Variants in COX7B2 observed in about 807,000 individuals in gnomAD.
COX7B2 encodes cytochrome c oxidase subunit 7B2, also known as cytochrome c oxidase subunit 7B2, mitochondrial.
For synonymous variants in COX7B2, 37 were observed against 32.1 expected, an observed-to-expected ratio of 1.15 and a Z score of -0.51; for missense variants, 109 against 95.9, an observed-to-expected ratio of 1.14 and a Z score of -0.57.
At chr4:46,766,469 G>A (rs1716544014) in intron 2 of COX7B2, among the ~76,000 whole-genome samples, 1 of 152,064 alleles carries the variant, frequency 6.6e-6, no homozygotes, top group Non-Finnish European at 1.5e-5. Flanking sequence ...GGAAGCCAAG[G>A]CGGGTGGATC....
At chr4:46,817,714 C>A (rs1719627703) in intron 2 of COX7B2, among the ~76,000 whole-genome samples, 1 of 152,128 alleles carries the variant, frequency 6.6e-6, no homozygotes, top group African/African-American at 2.4e-5. Context: ...GTTGCAGAGT[C>A]AGACTCAATG....
chr4:46,740,994 C>A (rs1396617109), intron 2 of COX7B2, among the ~76,000 whole-genome samples: 1 of 152,044 alleles, frequency 6.6e-6, no homozygotes, highest in Non-Finnish European at 1.5e-5. Context: ...AGGTGTGCCA[C>A]AGAAAGGCAG....
chr4:46,848,740 T>A (rs964705248), intron 1 of COX7B2, among the ~76,000 whole-genome samples: 4 of 152,056 alleles, frequency 2.6e-5, no homozygotes, highest in Admixed American at 2.6e-4. Flanking sequence ...TCTATGTATA[T>A]GTTTACATAC....
rs993442304 is a variant in COX7B2 at position 46,839,174 on chromosome 4, TGAG to T, written c.-50+5783_-50+5785del. Among the ~76,000 whole-genome samples, 676 of 152,148 alleles carry T rather than the reference TGAG, an allele frequency of 4.4e-3. 6 individuals are homozygous for T. Among genetic ancestry groups the T allele is most frequent in the African/African-American group, 0.016 (655 of 41,550 alleles). On this transcript the variant is annotated intron_variant, in intron 2 of 2. Transcript: ENST00000355591. ...AGAGCAGCCTATTTTTGTGCTCTCT[TGAG>T]GAGACTTGTTCCCTAGCCCTCCCTC...
intron 2 of COX7B2, among the ~76,000 whole-genome samples, chr4:46,763,017 T>TATATA (rs1231371147): frequency 3.7e-5 from 5 of 134,674 alleles, no homozygotes; most frequent in Admixed American, 8.4e-5. Flanking sequence ...ATAATTATAA[T>TATATA]ATATAATATA....
At chr4:46,750,205 C>CACACACAA (rs1448078001) in intron 2 of COX7B2, among the ~76,000 whole-genome samples, 16 of 143,426 alleles carry the variant, frequency 1.1e-4, no homozygotes, top group African/African-American at 4.3e-4. Context: ...TACACACACA[C>CACACACAA]ACACACACAC....
At chr4:46,831,358 G>T (rs896179973) in intron 2 of COX7B2, among the ~76,000 whole-genome samples, 1 of 152,062 alleles carries the variant, frequency 6.6e-6, no homozygotes, top group African/African-American at 2.4e-5. Flanking sequence ...TGTGCGGCCC[G>T]AGCCTCCTCA....
Position 46,815,920 on chromosome 4 carries a change from A to G in COX7B2, c.-50+29040T>C, listed in dbSNP as rs552870038. ...ATTTACCTTTCTGTTTTGAAAAAATACCAATGCTTATAAGATTTATCAAAC... is the reference window on the plus strand; with the variant it reads ...ATTTACCTTTCTGTTTTGAAAAAATGCCAATGCTTATAAGATTTATCAAAC... On this transcript the variant is annotated intron_variant, in intron 2 of 2. Transcript: ENST00000355591. 2.1e-4 allele frequency among the ~76,000 whole-genome samples: 32 copies of G among 152,282 alleles called. 1 individual carries two copies. Among genetic ancestry groups the G allele is most frequent in the South Asian group, 8.3e-4 (4 of 4,828 alleles).
intron 2 of COX7B2, among the ~76,000 whole-genome samples, chr4:46,776,989 T>G (rs1717187592): frequency 6.6e-6 from 1 of 152,170 alleles, no homozygotes; most frequent in South Asian, 2.1e-4. Flanking sequence ...CAATTTCTTC[T>G]TACCATTTAT....
chr4:46,737,437 A>G (rs1714434647), intron 2 of COX7B2, among the ~76,000 whole-genome samples: 1 of 152,152 alleles, frequency 6.6e-6, no homozygotes, highest in African/African-American at 2.4e-5. Context: ...CTCTTCTGAT[A>G]AACTGCAAGT....
intron 2 of COX7B2, among the ~76,000 whole-genome samples, chr4:46,834,431 T>G (rs538666116): frequency 6.6e-6 from 1 of 152,228 alleles, no homozygotes; most frequent in African/African-American, 2.4e-5. Context: ...ATAATGTCAA[T>G]AGCATTAAAA....
chr4:46,738,912 T>C (rs1714535039), intron 2 of COX7B2, among the ~76,000 whole-genome samples: 1 of 152,104 alleles, frequency 6.6e-6, no homozygotes, highest in African/African-American at 2.4e-5. Flanking sequence ...TTCATTGAAG[T>C]TGAAAGACTG....
At chr4:46,838,287 C>T (rs1715673644) in intron 2 of COX7B2, among the ~76,000 whole-genome samples, 1 of 151,874 alleles carries the variant, frequency 6.6e-6, no homozygotes, top group African/African-American at 2.4e-5. Context: ...ATGTCTTGCA[C>T]TGGGAATAAT....
intron 1 of COX7B2, among the ~76,000 whole-genome samples, chr4:46,886,767 A>G (rs1436208357): frequency 6.6e-6 from 1 of 152,244 alleles, no homozygotes; most frequent in African/African-American, 2.4e-5. Flanking sequence ...CTCAAACAGA[A>G]GTAAGCAGAA....
At chr4:46,807,318 A>G (rs1719055708) in intron 2 of COX7B2, among the ~76,000 whole-genome samples, 1 of 151,918 alleles carries the variant, frequency 6.6e-6, no homozygotes. Flanking sequence ...TCTTTGGAGA[A>G]GTGTCTATTC....
intron 1 of COX7B2, among the ~76,000 whole-genome samples, chr4:46,858,967 C>G (rs1560423505): frequency 6.6e-6 from 1 of 152,188 alleles, no homozygotes; most frequent in Non-Finnish European, 1.5e-5. Flanking sequence ...TTTCCTCTCA[C>G]TGTTCATCTT....
intron 2 of COX7B2, among the ~76,000 whole-genome samples, chr4:46,783,223 G>A (rs1717577167): frequency 6.6e-6 from 1 of 152,180 alleles, no homozygotes; most frequent in Non-Finnish European, 1.5e-5. Flanking sequence ...AAACCCATGA[G>A]TAAAGGCTTT....
At chr4:46,762,033 T>C (rs1387975974) in intron 2 of COX7B2, among the ~76,000 whole-genome samples, 1 of 151,352 alleles carries the variant, frequency 6.6e-6, no homozygotes, top group Non-Finnish European at 1.5e-5. Flanking sequence ...CTTTATTAAT[T>C]ATGTGACCTT....
intron 2 of COX7B2, among the ~76,000 whole-genome samples, chr4:46,804,825 G>A (rs1718903543): frequency 1.3e-5 from 2 of 152,244 alleles, no homozygotes; most frequent in African/African-American, 4.8e-5. Context: ...TGTGCCGTGT[G>A]CCTGCACTCC....
Sources: gnomAD v4.1 joint callset for allele counts (sites outside exome capture counted in the v4.1 genomes callset) on GRCh38, gnomAD v4.1.1 for gene constraint, MANE v1.5 for transcripts, NCBI Gene and HGNC (gene_info 2026-07-23, HGNC 2026-07-21) for gene names.